The following PLIN4 variants were observed in gnomAD, a reference collection of about 807,000 sequenced individuals.
PLIN4 encodes perilipin-4.
PLIN4 carries 57 observed loss-of-function variants against 52.4 expected under a neutral mutation model. The observed-to-expected ratio is 1.09, with a 90% CI of 0.88 to 1.36. The LOEUF is 1.36. PLIN4 is among the 40% of genes most tolerant of loss of function. The pLI is 0.00. For synonymous variants in PLIN4, 826 were observed against 785.4 expected (o/e 1.05, Z -0.86); for missense variants, 1,757 against 1,770.3 (o/e 0.99, Z 0.13).
At chr19:4,515,669 G>C (rs928878161) in intron 4 of PLIN4, among the ~76,000 whole-genome samples, 1 of 152,218 alleles carries the variant, frequency 6.6e-6, no homozygotes, top group Non-Finnish European at 1.5e-5. Context: ...AACTTGGGGA[G>C]GCTCCTGGCA....
At chr19:4,510,298 G>T in intron 5 of PLIN4, 148 bp downstream of exon 5, 1 of 936,248 alleles carries the variant, frequency 1.1e-6, no homozygotes, top group Non-Finnish European at 1.4e-6. Context: ...CCCGGGAGGC[G>T]GAGCTTGCAG....
rs1285848289 is a variant in PLIN4 at position 4,502,366 on chromosome 19, C to CT, written c.*2092dup. 2.7e-6 allele frequency: 1 copy of CT among 364,502 alleles called. No homozygotes were observed. The highest frequency in any genetic ancestry group is 2.2e-5 in the African/African-American group (1 of 46,240). The allele number at this position is 364,502 out of a possible 1,614,324, so 22.6% of individuals were successfully genotyped here. ...AAGGCACTCTGGGCCCAGCCCAACCCTGAAAGGCCAGTGGCAGGAGAGCTG... is the reference window on the plus strand; with the variant it reads ...AAGGCACTCTGGGCCCAGCCCAACCCTTGAAAGGCCAGTGGCAGGAGAGCTG... On this transcript the variant is annotated 3_prime_UTR_variant, in exon 8 of 8. Transcript: ENST00000301286.
chr19:4,517,564 T>C lies in PLIN4; in HGVS notation c.186A>G (p.Pro62=). 6.2e-7 allele frequency: 1 copy of C among 1,609,266 alleles called. No homozygotes were observed. Among genetic ancestry groups the C allele is most frequent in the Non-Finnish European group, 8.5e-7 (1 of 1,178,468 alleles). The change falls in exon 3 of 8, where the codon CCA becomes CCG. Residue 62 remains proline, a synonymous_variant. Transcript: ENST00000301286. ...TGAPAAEAAQ[P]QAQVAAHPEQ... ...GGGCCAGCCACTCACCCTGAGCCTG[T>C]GGTTGGGCAGCCTCGGCAGCAGGCG...
At chr19:4,509,561 G>C (rs566411132) in intron 5 of PLIN4, among the ~76,000 whole-genome samples, 305 of 152,146 alleles carry the variant, frequency 2.0e-3, no homozygotes, top group African/African-American at 6.9e-3. Flanking sequence ...GAAGTGTGGA[G>C]GTTGCAGTGT....
rs201390076 is a variant in PLIN4 at position 4,512,126 on chromosome 19, C to T, written c.1834G>A (p.Ala612Thr). The change falls in exon 5 of 8, where the codon GCC becomes ACC. Residue 612 changes from alanine to threonine, a missense_variant. Physicochemically the swap from Ala to Thr is moderately conservative, Grantham distance 58 (BLOSUM62 0). This residue lies in a region of PLIN4 where 439 missense variants were observed against 406.4 expected (regional missense o/e 1.08). Coordinates refer to ENST00000301286, the MANE Select transcript of PLIN4 (RefSeq NM_001367868.2). ...TTGLVGAVNV[A>T]KGTVQTGMDT... ...ATGCCTGTCTGGACGGTCCCTTTGG[C>T]GACATTCACTGCCCCCACGAGCCCA... 1.0e-3 allele frequency: 1,633 copies of T among 1,607,888 alleles called. 5 individuals carry two copies. Among genetic ancestry groups the T allele is most frequent in the Admixed American group, 1.3e-3 (79 of 59,230 alleles).
chr19:4,506,362 C>T (rs1012621319), intron 6 of PLIN4, among the ~76,000 whole-genome samples: 9 of 152,222 alleles, frequency 5.9e-5, no homozygotes, highest in African/African-American at 1.7e-4. Flanking sequence ...CATTCTGACG[C>T]ACTCCCTCTC....
At position 4,512,024 on chromosome 19, in the gene PLIN4, T is replaced by C. The variant is rs1568232781; in HGVS notation, c.1936A>G (p.Lys646Glu). ...TTCAGCCCAGTTTGCACAGCCCCCT[T>C]GGCCACGTTCACGGCACTGGTGACC... is the stretch of plus-strand genomic sequence containing the variant. ...SGVTSAVNVA[K>E]GAVQTGLKTT... The change falls in exon 5 of 8, where the codon AAG becomes GAG. Residue 646 changes from lysine (K) to glutamate (E), a missense_variant. Lys to Glu is a moderately conservative substitution (Grantham distance 56). Transcript: ENST00000301286. The C allele has an allele frequency of 3.7e-6, 6 of 1,613,044 alleles. No homozygotes were observed. Among genetic ancestry groups the C allele is most frequent in the Non-Finnish European group, 5.1e-6 (6 of 1,179,782 alleles).
Position 4,512,462 on chromosome 19 carries a change from C to T in PLIN4, c.1498G>A (p.Asp500Asn), listed in dbSNP as rs766433083. 4 of 1,610,918 alleles carry T rather than the reference C, an allele frequency of 2.5e-6. No individual in the cohort carries two copies. The highest frequency in any genetic ancestry group is 3.4e-6 in the Non-Finnish European group (4 of 1,178,914). Residue 500 changes from aspartate (D) to asparagine (N), a missense_variant, in exon 5 of 8, where the codon GAT becomes AAT. Around this residue, in one of 7 missense-constraint regions of PLIN4, gnomAD observed 439 missense variants for 406.4 expected, o/e 1.08. Transcript: ENST00000301286. ...TTKSVLTGTK[D>N]AVSTGLTGAV... ...CCTGTGAGCCCAGTGGACACAGCAT[C>T]TTTAGTGCCAGTCAGGACAGACTTT... is the stretch of plus-strand genomic sequence containing the variant.
chr19:4,507,665 G>A (rs1337084350), intron 6 of PLIN4, among the ~76,000 whole-genome samples: 1 of 152,110 alleles, frequency 6.6e-6, no homozygotes, highest in East Asian at 1.9e-4. Context: ...GTCCAGCCTG[G>A]GTGGCAGAGC....
In PLIN4 at chr19:4,517,576, C is replaced by A. The variant is rs376426164; in HGVS notation, c.174G>T (p.Glu58Asp). ...CACCCTGAGCCTGTGGTTGGGCAGC[C>A]TCGGCAGCAGGCGCTCCTGTGGGGT... ...AADPTGAPAA[E>D]AAQPQAQVAA... Residue 58 changes from glutamate (E) to aspartate (D), a missense_variant, in exon 3 of 8, where the codon GAG becomes GAT. Glu to Asp is a conservative substitution (Grantham distance 45). Transcript: ENST00000301286. The A allele has an allele frequency of 6.2e-7, 1 of 1,610,256 alleles. No individual in the cohort carries two copies. The highest frequency in any genetic ancestry group is 1.1e-5 in the South Asian group (1 of 90,854).
intron 6 of PLIN4, among the ~76,000 whole-genome samples, chr19:4,508,361 C>T (rs781085177): frequency 2.6e-5 from 4 of 152,124 alleles, no homozygotes; most frequent in Non-Finnish European, 5.9e-5. Flanking sequence ...GGTTCAACCT[C>T]GCCTCCCAGA....
rs757248120 is a variant in PLIN4 at position 4,511,522 on chromosome 19, G to A, written c.2438C>T (p.Ala813Val). 1.3e-6 allele frequency: 2 copies of A among 1,536,696 alleles called. No individual in the cohort carries two copies. Among genetic ancestry groups the A allele is most frequent in the Non-Finnish European group, 1.8e-6 (2 of 1,128,290 alleles). Residue 813 changes from alanine (A) to valine (V), a missense_variant, in exon 5 of 8, where the codon GCC (alanine) becomes GTC (valine). Transcript: ENST00000301286. ...VTGAANVAKG[A>V]VQMGVDTAKT... is the part of the protein sequence containing the mutation. ...GGCCGTGTCTACACCCATCTGGACG[G>A]CCCCCTTGGCCACATTCGCAGCACC...
chr19:4,506,276 C>T (rs1190223492), intron 6 of PLIN4, among the ~76,000 whole-genome samples: 2 of 152,206 alleles, frequency 1.3e-5, no homozygotes, highest in Non-Finnish European at 2.9e-5. Context: ...CCTTCCTATT[C>T]CTCCAACATG....
At position 4,504,657 on chromosome 19, in the gene PLIN4, C is replaced by T. The variant is rs1309102904; in HGVS notation, c.3918G>A (p.Arg1306=). 1.2e-6 allele frequency: 2 copies of T among 1,602,148 alleles called. No individual in the cohort carries two copies. The highest frequency in any genetic ancestry group is 8.5e-7 in the Non-Finnish European group (1 of 1,177,820). The change falls in exon 8 of 8, where the codon CGG becomes CGA. Residue 1306 remains arginine (R), a synonymous_variant. Transcript: ENST00000301286. The stretch of plus-strand genomic sequence containing the variant: ...TGCCATAGAGCTCACAGAGGCTGTG[C>T]CGCGCCCGCCCCACTGGCTGCTGGA... ...AELQQPVGRA[R]HSLCELYGIV...
rs374096913 is a variant in PLIN4, at chr19:4,512,403, G to A, written c.1557C>T (p.Thr519=). Residue 519 remains threonine (T), a synonymous_variant, in exon 5 of 8, where the codon ACC becomes ACT. Coordinates refer to ENST00000301286, the MANE Select transcript of PLIN4 (RefSeq NM_001367868.2). ...GGACAGTCTTGGTGGTGTCTACGCC[G>A]GTCTGGACGGTCCCTTTGGCCACGT... ...AVNVAKGTVQ[T]GVDTTKTVLT... The A allele has an allele frequency of 8.8e-5, 139 of 1,585,722 alleles. 2 individuals are homozygous for A. The highest frequency in any genetic ancestry group is 1.9e-4 in the Admixed American group (11 of 56,644).
intron 6 of PLIN4, among the ~76,000 whole-genome samples, chr19:4,508,459 G>A (rs1279568688): frequency 6.6e-6 from 1 of 152,150 alleles, no homozygotes; most frequent in African/African-American, 2.4e-5. Flanking sequence ...TAGAGACGGG[G>A]TTTCTCTGTG....
At position 4,502,203 on chromosome 19, in the gene PLIN4, AAAAAG is replaced by A. The variant is rs573628939; in HGVS notation, c.*2251_*2255del. 2.0e-4 allele frequency: 135 copies of A among 671,176 alleles called. No homozygotes were observed. In the African/African-American group the frequency reaches 2.2e-3, roughly 11 times the overall value. The allele number at this position is 671,176 out of a possible 1,614,324, so 41.6% of individuals were successfully genotyped here. ...ATGACTATAAATGGTTTTTTAATGA[AAAAAG>A]AAATCACTTTTATTGGCTTGGTTTT... On this transcript the variant is annotated 3_prime_UTR_variant, in exon 8 of 8. Transcript: ENST00000301286.
At position 4,511,353 on chromosome 19, in the gene PLIN4, C is replaced by G. The variant is rs116973517; in HGVS notation, c.2607G>C (p.Val869=). The G allele has an allele frequency of 0.086, 137,641 of 1,591,830 alleles. 3,613 individuals carry two copies. Among genetic ancestry groups the G allele is most frequent in the Non-Finnish European group, 0.1 (116,825 of 1,169,044 alleles). The change falls in exon 5 of 8, where the codon GTG becomes GTC. Residue 869 remains valine, a synonymous_variant. Transcript: ENST00000301286. ...TGTKNTLGSG[V]TGAAKVAKGA... ...CTTTGGCCACTTTCGCAGCACCGGT[C>G]ACCCCACTGCCAAGGGTGTTCTTTG...
rs943287677 is a variant in PLIN4, at chr19:4,518,272, TAGTG to T, written c.-4_-1del. 6.1e-5 allele frequency: 75 copies of T among 1,232,860 alleles called. 1 individual carries two copies. Among genetic ancestry groups the T allele is most frequent in the South Asian group, 3.3e-4 (8 of 24,438 alleles). The allele number at this position is 1,232,860 out of a possible 1,614,324, so 76.4% of individuals were successfully genotyped here. A position where few individuals can be genotyped will look rare whatever the true frequency, so the allele number is the denominator to read the frequency against. Reference sequence around the variant, plus strand: ...CGTCTCCCTTCGTCTGGAGCAGACATAGTGAGAACGTGAGAAGCTGGAAGGGGGC... The same window carrying T: ...CGTCTCCCTTCGTCTGGAGCAGACATAGAACGTGAGAAGCTGGAAGGGGGC... On this transcript the variant is annotated 5_prime_UTR_variant, in exon 2 of 8. Transcript: ENST00000301286.
Sources: gnomAD v4.1 joint callset for allele counts (sites outside exome capture counted in the v4.1 genomes callset) on GRCh38, gnomAD v4.1.1 for gene constraint, gnomAD v4.1.1 regional missense constraint, MANE v1.5 for transcripts, NCBI Gene and HGNC (gene_info 2026-07-23, HGNC 2026-07-21) for gene names.